AGAP1: variants seen among roughly 807,000 people sequenced by gnomAD.
The protein encoded by AGAP1 is arf-GAP with GTPase, ANK repeat and PH domain-containing protein 1.
A neutral mutation model predicts 105.3 loss-of-function variants in AGAP1; 29 were observed. The observed-to-expected ratio is 0.28, with a 90% CI of 0.21 to 0.38. The LOEUF (loss-of-function observed/expected upper bound fraction) is 0.38. AGAP1 is among the 10% of genes least tolerant of loss of function. AGAP1 has a pLI of 1.00. For missense variants in AGAP1, 998 were observed against 1,165.1 expected (o/e 0.86, Z 2.09); for synonymous variants, 509 against 485.9 (o/e 1.05, Z -0.63).
chr2:235,697,693 C>G (rs1950059836), intron 1 of AGAP1, among the ~76,000 whole-genome samples: 1 of 152,178 alleles, frequency 6.6e-6, no homozygotes, highest in Non-Finnish European at 1.5e-5. Context: ...TTATTTGTGT[C>G]TATTATTGAG....
intron 9 of AGAP1, among the ~76,000 whole-genome samples, chr2:235,835,222 A>C (rs114670669): frequency 2.2e-4 from 33 of 152,296 alleles, no homozygotes; most frequent in South Asian, 2.1e-4. Flanking sequence ...CTTCAGTTGC[A>C]ATCTTCAGTG....
At chr2:236,029,317 C>T (rs1408886155) in intron 13 of AGAP1, among the ~76,000 whole-genome samples, 1 of 151,856 alleles carries the variant, frequency 6.6e-6, no homozygotes, top group East Asian at 1.9e-4. Context: ...TCCTTGTCAC[C>T]CAGGCTGGAG....
chr2:235,582,930 G>A lies in AGAP1; in HGVS notation c.163+88081G>A, dbSNP rs1944981588. Among the ~76,000 whole-genome samples the A allele has an allele frequency of 6.6e-6, 1 of 152,222 alleles. No individual in the cohort carries two copies. The highest frequency in any genetic ancestry group is 6.5e-5 in the Admixed American group (1 of 15,286). ...CCGGAATCGGGAGGAAGCTTGTAAG[G>A]CTGCTTTCCACTCATTTTATGTTGT... On this transcript the variant is annotated intron_variant, in intron 1 of 17. Coordinates refer to ENST00000304032, the MANE Select transcript of AGAP1 (RefSeq NM_001037131.3). This position sits in a 1 kb window ranked among gnomAD's most constrained non-coding sequence, Gnocchi z 4.7.
At chr2:236,023,643 C>T (rs563632821) in intron 13 of AGAP1, among the ~76,000 whole-genome samples, 5 of 152,198 alleles carry the variant, frequency 3.3e-5, no homozygotes, top group Middle Eastern at 3.4e-3. Context: ...CCCGTCTTTT[C>T]GGTGGTGCTG....
Position 235,882,186 on chromosome 2 carries a change from G to A in AGAP1, c.1051-1159G>A, listed in dbSNP as rs1470093384. On this transcript the variant is annotated intron_variant, in intron 9 of 17. Coordinates refer to ENST00000304032, the MANE Select transcript of AGAP1 (RefSeq NM_001037131.3). This position sits in a 1 kb window ranked among gnomAD's most constrained non-coding sequence, Gnocchi z 4.6. ...CTATAATGTCCTGGGGCAAACCAGA[G>A]AATTTGGCAATCTGATTGGGGGTGG... Among the ~76,000 whole-genome samples, 3 of 152,236 alleles carry A rather than the reference G, an allele frequency of 2.0e-5. No homozygotes were observed. The East Asian group carries it at 5.8e-4, about 29-fold the overall frequency.
rs1390472533 is a variant in AGAP1 at position 235,740,160 on chromosome 2, G to A, written c.311-803G>A. On this transcript the variant is annotated intron_variant, in intron 3 of 17. Transcript: ENST00000304032. The surrounding 1 kb of genome is among the most constrained non-coding windows in gnomAD (Gnocchi z 5.7). ...GTGGAATCCTTCCCGCTGCCCAGCAGGAGCAGGGCTGGCCTAGCGGGCCGG... is the reference window on the plus strand; with the variant it reads ...GTGGAATCCTTCCCGCTGCCCAGCAAGAGCAGGGCTGGCCTAGCGGGCCGG... Among the ~76,000 whole-genome samples the A allele has an allele frequency of 2.0e-5, 3 of 152,182 alleles. No homozygotes were observed. In the South Asian group the frequency reaches 6.2e-4, roughly 32 times the overall value.
intron 9 of AGAP1, among the ~76,000 whole-genome samples, chr2:235,829,109 C>T (rs910586287): frequency 6.6e-6 from 1 of 152,246 alleles, no homozygotes; most frequent in Non-Finnish European, 1.5e-5. Context: ...GGCACCAGGA[C>T]TTTGTCTACA....
intron 9 of AGAP1, among the ~76,000 whole-genome samples, chr2:235,836,740 G>A (rs1960207612): frequency 6.6e-6 from 1 of 152,208 alleles, no homozygotes; most frequent in Admixed American, 6.5e-5. Flanking sequence ...AGGAGCGGGA[G>A]AAGATGGAGA....
intron 1 of AGAP1, among the ~76,000 whole-genome samples, chr2:235,572,000 A>C (rs1269460615): frequency 8.3e-6 from 1 of 120,930 alleles, no homozygotes; most frequent in African/African-American, 3.7e-5. Context: ...ACACACACAC[A>C]CACTTTTTTT....
At chr2:235,995,381 G>T (rs947196978) in intron 13 of AGAP1, among the ~76,000 whole-genome samples, 2 of 151,992 alleles carry the variant, frequency 1.3e-5, no homozygotes, top group Non-Finnish European at 2.9e-5. Context: ...AAGCTTGGTG[G>T]TGCGCACCTA....
chr2:235,515,721 A>G (rs1942350866), intron 1 of AGAP1, among the ~76,000 whole-genome samples: 1 of 152,236 alleles, frequency 6.6e-6, no homozygotes. Context: ...TTTGACACGG[A>G]TGCTAACCTG....
At chr2:235,975,793 G>C (rs1331891047) in intron 13 of AGAP1, among the ~76,000 whole-genome samples, 1 of 152,064 alleles carries the variant, frequency 6.6e-6, no homozygotes, top group South Asian at 2.1e-4. Context: ...GGCACCTCCC[G>C]TGTCTGCTCC....
intron 4 of AGAP1, among the ~76,000 whole-genome samples, chr2:235,742,943 G>A (rs1299331062): frequency 1.3e-5 from 2 of 152,210 alleles, no homozygotes; most frequent in Admixed American, 6.5e-5. Context: ...GAGGCAGGCA[G>A]ATCACCTGAG....
At chr2:235,595,274 A>G (rs917999072) in intron 1 of AGAP1, among the ~76,000 whole-genome samples, 1 of 152,158 alleles carries the variant, frequency 6.6e-6, no homozygotes, top group African/African-American at 2.4e-5. Context: ...TCTCACCAGT[A>G]TTGGGAGCTG....
chr2:235,738,609 G>A (rs1175069712), intron 3 of AGAP1, among the ~76,000 whole-genome samples: 3 of 151,010 alleles, frequency 2.0e-5, no homozygotes, highest in Non-Finnish European at 2.9e-5. Context: ...CCAGGCTGGA[G>A]TGCAGTGGCG....
chr2:235,671,124 G>T (rs1400606472), intron 1 of AGAP1: 2 of 1,236,724 alleles, frequency 1.6e-6, no homozygotes, highest in East Asian at 3.2e-5. Flanking sequence ...GTTCCGCAGC[G>T]GCTATGGGAC....
rs112692449 is a variant in AGAP1, at chr2:236,093,610, G to A, written c.2115-26582G>A. Reference sequence around the variant, plus strand: ...TCTCACATGGGAGGAGGTATAAGAGGATGACCAAAGGCAACATATATCCTG... The same window carrying A: ...TCTCACATGGGAGGAGGTATAAGAGAATGACCAAAGGCAACATATATCCTG... On this transcript the variant is annotated intron_variant, in intron 16 of 17. Coordinates refer to ENST00000304032, the MANE Select transcript of AGAP1 (RefSeq NM_001037131.3). Among the ~76,000 whole-genome samples, 49 of 152,304 alleles carry A rather than the reference G, an allele frequency of 3.2e-4. 1 individual carries two copies. The highest frequency in any genetic ancestry group is 1.2e-3 in the African/African-American group (49 of 41,564).
chr2:235,795,034 T>G (rs544399709), intron 6 of AGAP1, among the ~76,000 whole-genome samples: 1 of 152,320 alleles, frequency 6.6e-6, no homozygotes, highest in East Asian at 1.9e-4. Context: ...CTAAATAGTA[T>G]GAGTAATTAA....
rs1250695123 is a variant in AGAP1, at chr2:235,988,452, C to T, written c.1645+19829C>T. ...ACTCAGAATTTCTTGTCCTTAAATG[C>T]CACCCCCAACCCCCGCCCCGAAGTC... On this transcript the variant is annotated intron_variant, in intron 13 of 17. Transcript: ENST00000304032. This position sits in a 1 kb window ranked among gnomAD's most constrained non-coding sequence, Gnocchi z 4.7. Among the ~76,000 whole-genome samples, 2 of 152,136 alleles carry T rather than the reference C, an allele frequency of 1.3e-5. No homozygotes were observed. Among genetic ancestry groups the T allele is most frequent in the African/African-American group, 2.4e-5 (1 of 41,422 alleles).
Sources: gnomAD v4.1 joint callset for allele counts (sites outside exome capture counted in the v4.1 genomes callset) on GRCh38, gnomAD v4.1.1 for gene constraint, Gnocchi (gnomAD v3.1) non-coding constraint, MANE v1.5 for transcripts, NCBI Gene and HGNC (gene_info 2026-07-23, HGNC 2026-07-21) for gene names.